ANO3: variants seen among roughly 807,000 people sequenced by gnomAD.
ANO3 encodes the protein anoctamin-3.
In ANO3, 99 loss-of-function variants were observed where a neutral mutation model predicts 144.8. That is an observed-to-expected ratio of 0.68 (90% CI 0.58 to 0.81). ANO3 has a LOEUF of 0.81. Among genes scored for constraint, ANO3 ranks in the 30% least tolerant of loss-of-function variants. ANO3 has a pLI of 0.00. For missense variants in ANO3, 905 were observed against 1,202.2 expected (o/e 0.75, Z 3.66); for synonymous variants, 414 against 392.6 (o/e 1.05, Z -0.64).
chr11:26,359,762 G>C (rs1028268558), intron 1 of ANO3, among the ~76,000 whole-genome samples: 12 of 152,192 alleles, frequency 7.9e-5, no homozygotes, highest in African/African-American at 2.9e-4. Flanking sequence ...ATCTCTCACA[G>C]ATTATTATCT....
At chr11:26,411,082 C>T (rs7925120) in intron 1 of ANO3, among the ~76,000 whole-genome samples, 94,903 of 151,882 alleles carry the variant, frequency 0.62, 32,131 homozygotes, top group Admixed American at 0.78. Flanking sequence ...GGAAAAGAAG[C>T]ATCCATTTGT....
chr11:26,619,841 A>T (rs1009862812), intron 17 of ANO3, among the ~76,000 whole-genome samples: 4 of 152,230 alleles, frequency 2.6e-5, no homozygotes, highest in Non-Finnish European at 5.9e-5. Context: ...AAAACAAATC[A>T]TTCAAAAATA....
intron 1 of ANO3, among the ~76,000 whole-genome samples, chr11:26,201,985 G>T (rs370919968): frequency 8.6e-5 from 13 of 150,892 alleles, no homozygotes; most frequent in Admixed American, 3.3e-4. Context: ...TTACACTTAC[G>T]ATATCTGTTA....
chr11:26,466,649 G>C (rs1233215896), intron 4 of ANO3, among the ~76,000 whole-genome samples: 1 of 151,908 alleles, frequency 6.6e-6, no homozygotes, highest in Non-Finnish European at 1.5e-5. Flanking sequence ...AGAGATGAGA[G>C]AATCCAACAG....
intron 1 of ANO3, among the ~76,000 whole-genome samples, chr11:26,221,062 A>C (rs949839636): frequency 2.6e-5 from 4 of 152,158 alleles, no homozygotes; most frequent in Non-Finnish European, 5.9e-5. Flanking sequence ...AGTTTCCCCC[A>C]CACAATAATC....
chr11:26,437,560 C>T (rs530503619), intron 1 of ANO3, among the ~76,000 whole-genome samples: 5 of 152,190 alleles, frequency 3.3e-5, no homozygotes, highest in Non-Finnish European at 7.3e-5. Context: ...TCTCAATGCA[C>T]GTACCTGGGT....
At chr11:26,439,645 A>T (rs1182914898) in intron 1 of ANO3, among the ~76,000 whole-genome samples, 2 of 152,236 alleles carry the variant, frequency 1.3e-5, no homozygotes, top group Non-Finnish European at 2.9e-5. Flanking sequence ...AAGCCTTTAA[A>T]AACTTTTAAC....
intron 1 of ANO3, among the ~76,000 whole-genome samples, chr11:26,251,164 A>G (rs1048116902): frequency 2.6e-5 from 4 of 152,212 alleles, no homozygotes; most frequent in Non-Finnish European, 5.9e-5. Context: ...GCAATTGTAA[A>G]TTGGGGGACT....
chr11:26,503,403 T>G (rs1861278021), intron 4 of ANO3, among the ~76,000 whole-genome samples: 1 of 152,138 alleles, frequency 6.6e-6, no homozygotes, highest in East Asian at 1.9e-4. Context: ...TAATTCTGTT[T>G]TAAAGCAATA....
intron 3 of ANO3, among the ~76,000 whole-genome samples, chr11:26,448,874 A>G (rs1858808654): frequency 1.3e-5 from 2 of 150,622 alleles, no homozygotes; most frequent in South Asian, 4.2e-4. Flanking sequence ...TCCGTCTGCT[A>G]CCTTCTGTTG....
At chr11:26,298,359 T>A (rs879494717) in intron 1 of ANO3, among the ~76,000 whole-genome samples, 1 of 152,136 alleles carries the variant, frequency 6.6e-6, no homozygotes, top group Non-Finnish European at 1.5e-5. Flanking sequence ...GAACCAATTT[T>A]TCCTGTATAT....
At chr11:26,599,149 C>T (rs1590613588) in intron 16 of ANO3, 151 bp downstream of exon 16, 2 of 842,776 alleles carry the variant, frequency 2.4e-6, no homozygotes, top group East Asian at 5.3e-5. Flanking sequence ...AAACAAATCA[C>T]AACAGGTTAT....
intron 24 of ANO3, 150 bp downstream of exon 24, chr11:26,648,006 TA>T (rs1335280655): frequency 1.5e-6 from 1 of 680,798 alleles, no homozygotes; most frequent in Non-Finnish European, 2.3e-6. Flanking sequence ...TCAAGCAAGG[TA>T]AAAAGGACAA....
rs752180075 is a variant in ANO3 at position 26,226,022 on chromosome 11, GT to G, written c.154+36698del. On this transcript the variant is annotated intron_variant, in intron 1 of 27. Transcript: ENST00000672621. Reference sequence around the variant, plus strand: ...CACCTGTTAAGTACCCCAAGGAGCAGTTTTTTGGGGGGTTATTCTAGTATGT... The same window carrying G: ...CACCTGTTAAGTACCCCAAGGAGCAGTTTTTGGGGGGTTATTCTAGTATGT... 9.2e-5 allele frequency among the ~76,000 whole-genome samples: 14 copies of G among 152,130 alleles called. No homozygotes were observed. The South Asian group carries it at 1.2e-3, about 14-fold the overall frequency.
intron 1 of ANO3, among the ~76,000 whole-genome samples, chr11:26,345,625 T>G (rs969307929): frequency 6.6e-6 from 1 of 152,172 alleles, no homozygotes; most frequent in Admixed American, 6.6e-5. Context: ...GCTTAATATA[T>G]CTGAAGTTTA....
At chr11:26,654,754 C>T (rs34892008) in intron 24 of ANO3, among the ~76,000 whole-genome samples, 24,531 of 152,096 alleles carry the variant, frequency 0.16, 2,581 homozygotes, top group South Asian at 0.32. Context: ...TATTCTTCAT[C>T]ACATTAAGAT....
At chr11:26,248,598 T>C (rs545440527) in intron 1 of ANO3, among the ~76,000 whole-genome samples, 1 of 152,330 alleles carries the variant, frequency 6.6e-6, no homozygotes, top group Admixed American at 6.5e-5. Flanking sequence ...ACTTTATCTT[T>C]TTAAAATCAA....
At chr11:26,310,088 A>C (rs1420633254) in intron 1 of ANO3, among the ~76,000 whole-genome samples, 1 of 152,210 alleles carries the variant, frequency 6.6e-6, no homozygotes, top group Non-Finnish European at 1.5e-5. Context: ...TGATATACAC[A>C]TACTTACATT....
chr11:26,493,395 G>C (rs1371670069), intron 4 of ANO3, among the ~76,000 whole-genome samples: 1 of 152,084 alleles, frequency 6.6e-6, no homozygotes, highest in Non-Finnish European at 1.5e-5. Flanking sequence ...CAGTTCCAGG[G>C]CCAATATTGG....
Sources: allele counts gnomAD v4.1 joint callset (sites outside exome capture counted in the v4.1 genomes callset), GRCh38; gene constraint gnomAD v4.1.1; transcripts MANE v1.5; gene names NCBI Gene and HGNC (gene_info 2026-07-23, HGNC 2026-07-21).